GNL2: variants seen among roughly 807,000 people sequenced by gnomAD.
GNL2 encodes G protein nucleolar 2, also known as nucleolar GTP-binding protein 2.
Under a neutral mutation model 92.3 loss-of-function variants are expected in GNL2, and 51 were observed. The ratio of observed to expected loss-of-function variants is 0.55; its 90% CI spans 0.44 to 0.70. The LOEUF is 0.70. Among genes scored for constraint, GNL2 ranks in the 30% least tolerant of loss-of-function variants. The pLI, the probability that GNL2 is intolerant of heterozygous loss-of-function variation, is 0.00. For synonymous variants in GNL2, 283 were observed against 300.6 expected, an observed-to-expected ratio of 0.94 and a Z score of 0.61; for missense variants, 844 against 895.6, an observed-to-expected ratio of 0.94 and a Z score of 0.74.
Position 37,575,444 on chromosome 1 carries a change from G to T in GNL2, c.1143+151C>A. 1 of 509,682 alleles carries T rather than the reference G, an allele frequency of 2.0e-6. No individual in the cohort carries two copies. The highest frequency in any genetic ancestry group is 3.4e-5 in the East Asian group (1 of 29,708). 31.6% of individuals were successfully genotyped at this position (509,682 alleles called of 1,614,324 possible). On this transcript the variant is annotated intron_variant, in intron 10 of 15. Transcript: ENST00000373062. This position sits in a 1 kb window ranked among gnomAD's most constrained non-coding sequence, Gnocchi z 4.1. ...TAATTCCTCAAACAGCTTATGCTGA[G>T]AGGCTGCTGTTCAGCATCATGTTCC...
At position 37,568,210 on chromosome 1, in the gene GNL2, C is replaced by G. The variant is rs193229601; in HGVS notation, c.1951+65G>C. On this transcript the variant is annotated intron_variant, in intron 14 of 15. Transcript: ENST00000373062. ...TGACTGAGATAATTTGGAGACTGAA[C>G]TTAGGTTTCTCAAAACTCTAAATAT... 380 of 998,052 alleles carry G rather than the reference C, an allele frequency of 3.8e-4. 2 individuals are homozygous for G. Among genetic ancestry groups the G allele is most frequent in the Middle Eastern group, 8.8e-4 (4 of 4,558 alleles). 61.8% of individuals were successfully genotyped at this position (998,052 alleles called of 1,614,324 possible). A position where few individuals can be genotyped will look rare whatever the true frequency, so the allele number is the denominator to read the frequency against.
At chr1:37,581,995 C>G (rs187668678) in intron 8 of GNL2, among the ~76,000 whole-genome samples, 1 of 152,026 alleles carries the variant, frequency 6.6e-6, no homozygotes. Flanking sequence ...GGGTTTTGCT[C>G]TGTTACCCAG....
chr1:37,590,791 T>C lies in GNL2; in HGVS notation c.299A>G (p.Asp100Gly), dbSNP rs1465217889. 3 of 1,601,620 alleles carry C rather than the reference T, an allele frequency of 1.9e-6. No individual in the cohort carries two copies. Among genetic ancestry groups the C allele is most frequent in the Non-Finnish European group, 2.6e-6 (3 of 1,173,538 alleles). The part of the protein sequence containing the change: ...SSLQKFQEEM[D>G]TVMKDPYKVV... The stretch of plus-strand genomic sequence containing the variant: ...TTTGTATGGATCCTTCATAACTGTA[T>C]CCATTTCCTCTTGAAATTTTTGTAA... The change falls in exon 4 of 16, where the codon GAT becomes GGT. Residue 100 changes from aspartate (D) to glycine (G), a missense_variant. Coordinates refer to ENST00000373062, the MANE Select transcript of GNL2 (RefSeq NM_013285.3).
intron 3 of GNL2, among the ~76,000 whole-genome samples, chr1:37,591,681 T>C (rs1643888812): frequency 6.6e-6 from 1 of 152,038 alleles, no homozygotes; most frequent in African/African-American, 2.4e-5. Flanking sequence ...AATTTTTGTA[T>C]ATTTAGTAGA....
At chr1:37,592,833 G>C in intron 2 of GNL2, 27 bp from the exon 3 acceptor site, 1 of 1,269,672 alleles carries the variant, frequency 7.9e-7, no homozygotes, top group South Asian at 1.2e-5. Context: ...ACAGATATTG[G>C]TTGACAACAG....
At position 37,592,923 on chromosome 1, in the gene GNL2, T is replaced by C. The variant is rs1643896610; in HGVS notation, c.150-117A>G. The C allele has an allele frequency of 6.1e-6, 4 of 658,534 alleles. No homozygotes were observed. The Admixed American group carries it at 9.9e-5, about 16-fold the overall frequency. 40.8% of individuals were successfully genotyped at this position (658,534 alleles called of 1,614,324 possible). ...TTCTTACTTTGGTTTTAAATGATCA[T>C]GAAATACCAATTCCAGTAAACACAA... On this transcript the variant is annotated intron_variant, in intron 2 of 15. Coordinates refer to ENST00000373062, the MANE Select transcript of GNL2 (RefSeq NM_013285.3).
At position 37,568,953 on chromosome 1, in the gene GNL2, A is replaced by C. The variant is rs372661688; in HGVS notation, c.1766T>G (p.Val589Gly). ...ESSSEPEEEN[V>G]GNDTKAVIKA... ...AATAACGGCTTTGGTGTCGTTTCCC[A>C]CATTTTCCTCCTCAGGCTCCGAGGA... The change falls in exon 13 of 16, where the codon GTG (valine) becomes GGG (glycine). Residue 589 changes from valine to glycine, a missense_variant. By Grantham distance (109) the Val-to-Gly change is moderately radical. Transcript: ENST00000373062. The C allele has an allele frequency of 6.2e-7, 1 of 1,614,058 alleles. No homozygotes were observed. The highest frequency in any genetic ancestry group is 1.7e-5 in the Admixed American group (1 of 60,024).
intron 8 of GNL2, among the ~76,000 whole-genome samples, chr1:37,579,322 C>T (rs1483241556): frequency 2.0e-5 from 3 of 151,986 alleles, no homozygotes; most frequent in East Asian, 1.9e-4. Flanking sequence ...CCGAGGGGGG[C>T]GGATCACCTG....
intron 1 of GNL2, 60 bp from the exon 2 acceptor site, chr1:37,593,906 T>C: frequency 7.9e-7 from 1 of 1,261,570 alleles, no homozygotes; most frequent in Non-Finnish European, 1.1e-6. Context: ...AACCAACAAG[T>C]CATTGCTTAA....
At position 37,587,341 on chromosome 1, in the gene GNL2, C is replaced by G; in HGVS notation, c.539G>C (p.Arg180Pro). 1 of 1,605,242 alleles carries G rather than the reference C, an allele frequency of 6.2e-7. No homozygotes were observed. The highest frequency in any genetic ancestry group is 8.5e-7 in the Non-Finnish European group (1 of 1,175,610). Residue 180 changes from arginine to proline, a missense_variant, in exon 5 of 16, where the codon CGT becomes CCT. Transcript: ENST00000373062. ...ACCAGTGTCTTCAGTTACCAAATCACGATCCTTGCCCTGGTCATAGCTCTC... is the reference window on the plus strand; with the variant it reads ...ACCAGTGTCTTCAGTTACCAAATCAGGATCCTTGCCCTGGTCATAGCTCTC... ...STESYDQGKD[R>P]DLVTEDTGVR...
chr1:37,590,606 C>A, intron 4 of GNL2, 100 bp downstream of exon 4: 1 of 964,704 alleles, frequency 1.0e-6, no homozygotes, highest in South Asian at 1.4e-5. Flanking sequence ...ACATTAAAGT[C>A]ACTATTTTCT....
At chr1:37,586,380 A>C (rs192303980) in intron 5 of GNL2, among the ~76,000 whole-genome samples, 107 of 152,234 alleles carry the variant, frequency 7.0e-4, no homozygotes, top group African/African-American at 2.4e-3. Flanking sequence ...CCAAAAAACT[A>C]GTATTACAGG....
rs1643654752 is a variant in GNL2, at chr1:37,574,934, G to A, written c.1144-111C>T. 52 of 744,708 alleles carry A rather than the reference G, an allele frequency of 7.0e-5. 1 individual carries two copies. In the South Asian group the frequency reaches 8.4e-4, roughly 12 times the overall value. 46.1% of individuals were successfully genotyped at this position (744,708 alleles called of 1,614,324 possible). A position where few individuals can be genotyped will look rare whatever the true frequency, so the allele number is the denominator to read the frequency against. On this transcript the variant is annotated intron_variant, in intron 10 of 15. Transcript: ENST00000373062. ...AATAGACTTCAACATCACAAAGCTC[G>A]TGGAGATTGGCAGGAGCCTGTCTCT...
chr1:37,589,925 A>G (rs1426328631), intron 4 of GNL2, among the ~76,000 whole-genome samples: 4 of 152,176 alleles, frequency 2.6e-5, no homozygotes, highest in Admixed American at 2.0e-4. Flanking sequence ...TCCTAATTCT[A>G]CGCTGTCCCA....
chr1:37,578,003 C>T (rs1643705058), intron 8 of GNL2, among the ~76,000 whole-genome samples: 1 of 152,062 alleles, frequency 6.6e-6, no homozygotes, highest in African/African-American at 2.4e-5. Context: ...TCTACTATTC[C>T]CACTGAGTTC....
rs536889088 is a variant in GNL2 at position 37,595,899 on chromosome 1, C to T, written c.-77G>A. 28 of 1,229,368 alleles carry T rather than the reference C, an allele frequency of 2.3e-5. No individual in the cohort carries two copies. In the East Asian group the frequency reaches 6.6e-4, roughly 29 times the overall value. The allele number at this position is 1,229,368 out of a possible 1,614,324, so 76.2% of individuals were successfully genotyped here. A position where few individuals can be genotyped will look rare whatever the true frequency, so the allele number is the denominator to read the frequency against. ...CAAACTTTTATGTTCCCAAGCCCGG[C>T]CGAAGACACCCGCCTGAACCACGCC... On this transcript the variant is annotated 5_prime_UTR_variant, in exon 1 of 16. Coordinates refer to ENST00000373062, the MANE Select transcript of GNL2 (RefSeq NM_013285.3).
At chr1:37,588,548 T>C (rs894620828) in intron 4 of GNL2, among the ~76,000 whole-genome samples, 5 of 152,176 alleles carry the variant, frequency 3.3e-5, no homozygotes, top group African/African-American at 1.2e-4. Context: ...TGTCACTGGG[T>C]AAAATCAAGT....
At chr1:37,578,597 A>G (rs2148134235) in intron 8 of GNL2, among the ~76,000 whole-genome samples, 1 of 151,752 alleles carries the variant, frequency 6.6e-6, no homozygotes, top group South Asian at 2.1e-4. Context: ...TTCCCTTGTC[A>G]ACCAGGCTGA....
At position 37,593,757 on chromosome 1, in the gene GNL2, C is replaced by A. The variant is rs1354355376; in HGVS notation, c.149+5G>T. 4 of 1,607,220 alleles carry A rather than the reference C, an allele frequency of 2.5e-6. No homozygotes were observed. The highest frequency in any genetic ancestry group is 1.6e-4 in the Middle Eastern group (1 of 6,062). On this transcript the variant is annotated splice_donor_5th_base_variant and intron_variant, in intron 2 of 15. Coordinates refer to ENST00000373062, the MANE Select transcript of GNL2 (RefSeq NM_013285.3). ...AGAGAAAGGATGACAGCACCCAGTG[C>A]TCACCTGCGCTCCTTTTGCCTATAC...
Sources: gnomAD v4.1 joint callset for allele counts (sites outside exome capture counted in the v4.1 genomes callset) on GRCh38, gnomAD v4.1.1 for gene constraint, Gnocchi (gnomAD v3.1) non-coding constraint, MANE v1.5 for transcripts, NCBI Gene and HGNC (gene_info 2026-07-23, HGNC 2026-07-21) for gene names.